Variants in NDST4 observed in about 807,000 individuals in gnomAD.
NDST4 encodes N-heparan sulfate sulfotransferase 4.
Under a neutral mutation model 100.8 loss-of-function variants are expected in NDST4, and 63 were observed. The ratio of observed to expected loss-of-function variants is 0.62; its 90% CI spans 0.51 to 0.77. NDST4 has a LOEUF of 0.77. NDST4 is among the 30% of genes least tolerant of loss of function. The pLI is 0.00. For synonymous variants in NDST4, 377 were observed against 361.8 expected, an observed-to-expected ratio of 1.04 and a Z score of -0.48; for missense variants, 943 against 1,018.4, an observed-to-expected ratio of 0.93 and a Z score of 1.01.
intron 10 of NDST4, among the ~76,000 whole-genome samples, chr4:114,840,063 C>T (rs1482878948): frequency 6.6e-5 from 10 of 152,144 alleles, no homozygotes; most frequent in Admixed American, 5.9e-4. Context: ...TCTGACATTT[C>T]CCCAATATCC....
At chr4:114,852,916 A>AAT (rs1359638741) in intron 7 of NDST4, 95 bp from the exon 8 acceptor site, 1 of 764,394 alleles carries the variant, frequency 1.3e-6, no homozygotes, top group African/African-American at 1.8e-5. Flanking sequence ...ATTCTGGCCT[A>AAT]ATACCTTAGA....
chr4:115,061,890 A>G (rs1286817663), intron 2 of NDST4, among the ~76,000 whole-genome samples: 1 of 152,092 alleles, frequency 6.6e-6, no homozygotes. Flanking sequence ...TAAATAAATG[A>G]TATTAAATGC....
chr4:115,112,014 T>G (rs1729963073), intron 1 of NDST4, among the ~76,000 whole-genome samples: 1 of 151,712 alleles, frequency 6.6e-6, no homozygotes, highest in African/African-American at 2.4e-5. Context: ...TTTTATGAAT[T>G]CCAGTTGAAA....
intron 2 of NDST4, among the ~76,000 whole-genome samples, chr4:115,057,244 T>C (rs1728714706): frequency 6.6e-6 from 1 of 152,094 alleles, no homozygotes; most frequent in South Asian, 2.1e-4. Context: ...GAAGAGAAGA[T>C]AGCTAAACAA....
chr4:115,079,862 G>A (rs1434685001), intron 1 of NDST4, among the ~76,000 whole-genome samples: 1 of 152,014 alleles, frequency 6.6e-6, no homozygotes, highest in East Asian at 1.9e-4. Context: ...AACCTCATTA[G>A]TAATTTAAGT....
chr4:114,911,044 T>C (rs1725051051), intron 6 of NDST4, among the ~76,000 whole-genome samples: 1 of 152,212 alleles, frequency 6.6e-6, no homozygotes, highest in Admixed American at 6.5e-5. Flanking sequence ...AATCAGATTG[T>C]TTTAAAACGT....
chr4:114,895,886 T>C (rs931583114), intron 6 of NDST4, among the ~76,000 whole-genome samples: 24 of 152,008 alleles, frequency 1.6e-4, no homozygotes, highest in Non-Finnish European at 7.4e-5. Flanking sequence ...CCTGGTTCAA[T>C]ATATGCAAAT....
At chr4:114,943,216 G>A (rs903092777) in intron 4 of NDST4, among the ~76,000 whole-genome samples, 8 of 151,102 alleles carry the variant, frequency 5.3e-5, no homozygotes, top group South Asian at 4.2e-4. Flanking sequence ...CTTAAAAACA[G>A]GACAAATAGG....
At chr4:115,085,085 C>T (rs113537895) in intron 1 of NDST4, among the ~76,000 whole-genome samples, 3,389 of 152,266 alleles carry the variant, frequency 0.022, 140 homozygotes, top group African/African-American at 0.076. Context: ...GAGCCCACCT[C>T]TTGCGTCAGC....
chr4:114,952,662 A>C (rs1726042151), intron 4 of NDST4, among the ~76,000 whole-genome samples: 1 of 152,170 alleles, frequency 6.6e-6, no homozygotes. Flanking sequence ...GAAAATAGGA[A>C]TTGACGAGAA....
At chr4:115,109,755 C>T (rs1010023127) in intron 1 of NDST4, among the ~76,000 whole-genome samples, 1 of 151,682 alleles carries the variant, frequency 6.6e-6, no homozygotes, top group Admixed American at 6.6e-5. Context: ...CTAAAATAGC[C>T]TATGTATGTA....
chr4:114,841,534 A>G (rs557319286), intron 10 of NDST4, among the ~76,000 whole-genome samples: 9 of 152,236 alleles, frequency 5.9e-5, no homozygotes, highest in Non-Finnish European at 1.2e-4. Context: ...AGGCACACAC[A>G]TCATAAAGAT....
At chr4:115,015,525 A>G (rs1727657072) in intron 2 of NDST4, among the ~76,000 whole-genome samples, 1 of 152,050 alleles carries the variant, frequency 6.6e-6, no homozygotes, top group African/African-American at 2.4e-5. Flanking sequence ...CACTTGGAGG[A>G]AAAATAATTG....
intron 2 of NDST4, among the ~76,000 whole-genome samples, chr4:115,012,014 T>C (rs7671346): frequency 0.012 from 1,765 of 151,912 alleles, 38 homozygotes; most frequent in African/African-American, 0.04. Context: ...GTACGTGTGA[T>C]AGGAGTAAAG....
Position 114,947,587 on chromosome 4 carries a change from C to A in NDST4, c.1222-10084G>T, listed in dbSNP as rs563993017. ...AATGATAACATTCAAAATTCTTCAA[C>A]GTGTTAAGTCAGGTGGAAATAAGAA... On this transcript the variant is annotated intron_variant, in intron 4 of 13. Transcript: ENST00000264363. Among the ~76,000 whole-genome samples the A allele has an allele frequency of 4.6e-5, 7 of 152,126 alleles. No homozygotes were observed. In the South Asian group the frequency reaches 1.2e-3, roughly 27 times the overall value.
At chr4:115,073,782 AAG>A (rs1465092444) in intron 2 of NDST4, among the ~76,000 whole-genome samples, 1 of 151,938 alleles carries the variant, frequency 6.6e-6, no homozygotes, top group Non-Finnish European at 1.5e-5. Context: ...AAATTACTAA[AAG>A]AGTAGATTTT....
At chr4:115,073,740 A>T (rs1323167864) in intron 2 of NDST4, among the ~76,000 whole-genome samples, 1 of 151,946 alleles carries the variant, frequency 6.6e-6, no homozygotes, top group East Asian at 1.9e-4. Context: ...CCTATAGTAG[A>T]TTCTAATAGT....
chr4:115,064,997 CA>C (rs1361632446), intron 2 of NDST4, among the ~76,000 whole-genome samples: 1 of 152,114 alleles, frequency 6.6e-6, no homozygotes, highest in East Asian at 1.9e-4. Flanking sequence ...CTCATCCTTC[CA>C]GCATCTTTAC....
chr4:114,983,009 G>A (rs894286555), intron 2 of NDST4, among the ~76,000 whole-genome samples: 7 of 152,168 alleles, frequency 4.6e-5, no homozygotes, highest in African/African-American at 1.7e-4. Context: ...TGTTGGGCCT[G>A]CAGGTGGGAA....
Sources: gnomAD v4.1 joint callset for allele counts (sites outside exome capture counted in the v4.1 genomes callset) on GRCh38, gnomAD v4.1.1 for gene constraint, MANE v1.5 for transcripts, NCBI Gene and HGNC (gene_info 2026-07-23, HGNC 2026-07-21) for gene names.